The following GNAL variants were observed in gnomAD, a reference collection of about 807,000 sequenced individuals.
GNAL encodes G protein subunit alpha L.
GNAL carries 18 observed loss-of-function variants against 55.1 expected under a neutral mutation model. The ratio of observed to expected loss-of-function variants is 0.33; its 90% CI spans 0.23 to 0.48. GNAL has a LOEUF of 0.48. Ranked by LOEUF, GNAL falls within the 20% of genes least tolerant of loss-of-function variation. GNAL has a pLI of 0.99. For missense variants in GNAL, 412 were observed against 614.1 expected (o/e 0.67, Z 3.48); for synonymous variants, 253 against 237.0 (o/e 1.07, Z -0.62).
chr18:11,803,158 A>G (rs928086357), intron 4 of GNAL, among the ~76,000 whole-genome samples: 16 of 152,224 alleles, frequency 1.1e-4, no homozygotes, highest in African/African-American at 3.9e-4. Flanking sequence ...CTGTTGTGCA[A>G]CCATCACCAA....
intron 5 of GNAL, among the ~76,000 whole-genome samples, chr18:11,846,373 C>T (rs1459448817): frequency 6.7e-6 from 1 of 149,704 alleles, no homozygotes; most frequent in Non-Finnish European, 1.5e-5. Context: ...CTTTCTCTTT[C>T]TTATTTTTAT....
Position 11,753,858 on chromosome 18 carries a change from T to G in GNAL, c.537T>G (p.Pro179=). The stretch of plus-strand genomic sequence containing the variant: ...TTTCAGCAATGAGTACTATAATACC[T>G]CCAGTTCCGCTGGCCAACCCTGAAA... ...TIVSAMSTII[P]PVPLANPENQ... is the part of the protein sequence containing the mutation. Residue 179 remains proline (P), a synonymous_variant, in exon 4 of 12, where the codon CCT becomes CCG. Coordinates refer to ENST00000334049, the MANE Select transcript of GNAL (RefSeq NM_182978.4). 6.2e-7 allele frequency: 1 copy of G among 1,608,820 alleles called. No homozygotes were observed. The highest frequency in any genetic ancestry group is 8.5e-7 in the Non-Finnish European group (1 of 1,175,254).
At chr18:11,732,095 C>T (rs991649319) in intron 1 of GNAL, among the ~76,000 whole-genome samples, 2 of 152,100 alleles carry the variant, frequency 1.3e-5, no homozygotes, top group South Asian at 2.1e-4. Flanking sequence ...TGGACATTTG[C>T]GTGTTTCTGC....
intron 1 of GNAL, among the ~76,000 whole-genome samples, chr18:11,715,818 C>A (rs906747697): frequency 6.6e-6 from 1 of 151,696 alleles, no homozygotes; most frequent in African/African-American, 2.4e-5. Flanking sequence ...TAGTAATGGA[C>A]TGATGAGAAG....
At chr18:11,829,918 G>A (rs1272156043) in intron 5 of GNAL, among the ~76,000 whole-genome samples, 3 of 152,194 alleles carry the variant, frequency 2.0e-5, no homozygotes, top group Non-Finnish European at 4.4e-5. Context: ...GCTGAGGCAG[G>A]AGAATTGCTT....
chr18:11,851,829 G>A (rs747997562), intron 5 of GNAL: 3 of 1,613,960 alleles, frequency 1.9e-6, no homozygotes, highest in South Asian at 2.2e-5. Context: ...TGAAGACCAT[G>A]AATCTGGAGA....
intron 5 of GNAL, among the ~76,000 whole-genome samples, chr18:11,860,157 A>C (rs1567897310): frequency 6.6e-6 from 1 of 152,192 alleles, no homozygotes; most frequent in Non-Finnish European, 1.5e-5. Flanking sequence ...TTGAGGTCAC[A>C]GTTGCCCCCA....
At chr18:11,822,784 AG>A (rs1307733583) in intron 4 of GNAL, among the ~76,000 whole-genome samples, 3 of 148,452 alleles carry the variant, frequency 2.0e-5, no homozygotes, top group African/African-American at 7.5e-5. Flanking sequence ...TCTGCCCTGC[AG>A]GGCCTGGAGC....
At chr18:11,877,705 C>CCT (rs1272651549) in intron 11 of GNAL, among the ~76,000 whole-genome samples, 2 of 151,892 alleles carry the variant, frequency 1.3e-5, no homozygotes, top group African/African-American at 4.8e-5. Context: ...TAGGGCTGAT[C>CCT]CTCGGCTGTG....
rs1183262502 is a variant in GNAL, at chr18:11,753,661, A to G, written c.483A>G (p.Lys161=). 6.2e-7 allele frequency: 1 copy of G among 1,601,742 alleles called. No individual in the cohort carries two copies. Among genetic ancestry groups the G allele is most frequent in the Non-Finnish European group, 8.6e-7 (1 of 1,168,922 alleles). ...AACAGAAAATTCTGGACATCCGGAAAAATGTTAAAGATGCTATCGTGGTAA... is the reference window on the plus strand; with the variant it reads ...AACAGAAAATTCTGGACATCCGGAAGAATGTTAAAGATGCTATCGTGGTAA... ...EKKQKILDIR[K]NVKDAIVTIV... is the part of the protein sequence containing the mutation. Residue 161 remains lysine, a synonymous_variant, in exon 3 of 12, where the codon AAA becomes AAG. Transcript: ENST00000334049.
At chr18:11,840,878 T>C (rs2035599018) in intron 5 of GNAL, among the ~76,000 whole-genome samples, 1 of 149,118 alleles carries the variant, frequency 6.7e-6, no homozygotes, top group East Asian at 1.9e-4. Flanking sequence ...TTCTTTTCTT[T>C]TTTTTTTTTT....
At chr18:11,854,569 G>A (rs994539545) in intron 5 of GNAL, 1 of 157,152 alleles carries the variant, frequency 6.4e-6, no homozygotes, top group East Asian at 1.9e-4. Context: ...ATCACCTGAG[G>A]TCAGGAGTTT....
intron 1 of GNAL, among the ~76,000 whole-genome samples, chr18:11,731,739 C>CA (rs975398289): frequency 6.6e-6 from 1 of 152,120 alleles, no homozygotes; most frequent in Non-Finnish European, 1.5e-5. Flanking sequence ...GCCGTGGAAC[C>CA]ATCACCACCG....
Position 11,867,216 on chromosome 18 carries a change from G to A in GNAL, c.900G>A (p.Gln300=). ...GQRDERRKWI[Q]CFNDVTAIIY... The stretch of plus-strand genomic sequence containing the variant: ...GGGATGAGAGGAGAAAATGGATCCA[G>A]TGCTTTAACGGTGATTTTTTTATGC... The change falls in exon 8 of 12, where the codon CAG becomes CAA. Residue 300 remains glutamine, a synonymous_variant. Coordinates refer to ENST00000334049, the MANE Select transcript of GNAL (RefSeq NM_182978.4). 1 of 1,603,266 alleles carries A rather than the reference G, an allele frequency of 6.2e-7. No individual in the cohort carries two copies. Among genetic ancestry groups the A allele is most frequent in the Non-Finnish European group, 8.5e-7 (1 of 1,170,166 alleles).
In GNAL at chr18:11,769,355, C is replaced by G. The variant is rs187809615; in HGVS notation, c.624+15410C>G. Among the ~76,000 whole-genome samples the G allele has an allele frequency of 1.1e-4, 17 of 151,942 alleles. No homozygotes were observed. In the East Asian group the frequency reaches 3.3e-3, roughly 29 times the overall value. On this transcript the variant is annotated intron_variant, in intron 4 of 11. Transcript: ENST00000334049. Reference sequence around the variant, plus strand: ...GACAAAAGTCTTCATTGTTGCACTTCGTACAGTAGGGCTTCCTGGGAAGGT... The same window carrying G: ...GACAAAAGTCTTCATTGTTGCACTTGGTACAGTAGGGCTTCCTGGGAAGGT...
chr18:11,757,547 T>G (rs1250563843), intron 4 of GNAL, among the ~76,000 whole-genome samples: 2 of 152,162 alleles, frequency 1.3e-5, no homozygotes, highest in African/African-American at 4.8e-5. Flanking sequence ...TTGGGATTTA[T>G]TTTGGAAACA....
chr18:11,869,881 T>C (rs1204579075), intron 9 of GNAL, among the ~76,000 whole-genome samples: 2 of 152,020 alleles, frequency 1.3e-5, no homozygotes, highest in African/African-American at 4.8e-5. Flanking sequence ...TGCACGTCAG[T>C]CTGGGCGACA....
intron 4 of GNAL, among the ~76,000 whole-genome samples, chr18:11,756,189 A>G (rs1323695271): frequency 6.6e-6 from 1 of 152,186 alleles, no homozygotes; most frequent in Non-Finnish European, 1.5e-5. Context: ...ACTCCCACCT[A>G]TATTATCTAA....
intron 1 of GNAL, among the ~76,000 whole-genome samples, chr18:11,722,256 G>C (rs76642318): frequency 4.1e-4 from 62 of 152,266 alleles, no homozygotes; most frequent in African/African-American, 1.3e-3. Context: ...GATTTTTCCT[G>C]CTTGGCTAAC....
Sources: gnomAD v4.1 joint callset for allele counts (sites outside exome capture counted in the v4.1 genomes callset) on GRCh38, gnomAD v4.1.1 for gene constraint, MANE v1.5 for transcripts, NCBI Gene and HGNC (gene_info 2026-07-23, HGNC 2026-07-21) for gene names.